ACSF3: variants seen among roughly 807,000 people sequenced by gnomAD.
ACSF3 encodes the protein malonate--CoA ligase ACSF3, mitochondrial.
Under a neutral mutation model 53.2 loss-of-function variants are expected in ACSF3, and 78 were observed. The observed-to-expected ratio is 1.47, with a 90% CI of 1.22 to 1.77. The LOEUF (loss-of-function observed/expected upper bound fraction) is 1.77. Among genes scored for constraint, ACSF3 ranks in the 40% most tolerant of loss-of-function variants. The pLI is 0.00. For missense variants in ACSF3, 937 were observed against 771.1 expected (o/e 1.22, Z -2.55); for synonymous variants, 414 against 333.1 (o/e 1.24, Z -2.65).
chr16:89,122,923 G>A (rs913193293), intron 7 of ACSF3: 4 of 152,344 alleles, frequency 2.6e-5, no homozygotes, highest in Admixed American at 2.0e-4. Flanking sequence ...AAGCAGTCTT[G>A]AAATAGAAGC....
intron 8 of ACSF3, 50 bp from the exon 9 acceptor site, chr16:89,145,217 A>T (rs763894432): frequency 1.9e-6 from 3 of 1,613,520 alleles, no homozygotes; most frequent in Non-Finnish European, 2.5e-6. Context: ...TCCTCAGGGG[A>T]CACCGTGGTG....
At chr16:89,097,123 G>A (rs1666542071) in intron 1 of ACSF3, among the ~76,000 whole-genome samples, 1 of 152,238 alleles carries the variant, frequency 6.6e-6, no homozygotes, top group South Asian at 2.1e-4. Context: ...CCAAAAGGGG[G>A]GCTGTGCTCT....
At chr16:89,114,017 T>C (rs2151452304) in intron 5 of ACSF3, 1 of 395,160 alleles carries the variant, frequency 2.5e-6, no homozygotes, top group South Asian at 2.1e-5. Context: ...TGAGCGTGGT[T>C]GTGAACAGCG....
At chr16:89,142,747 C>T (rs1330746283) in intron 8 of ACSF3, among the ~76,000 whole-genome samples, 1 of 151,768 alleles carries the variant, frequency 6.6e-6, no homozygotes, top group Non-Finnish European at 1.5e-5. Flanking sequence ...ACACCCACAC[C>T]TGCAGAGACA....
In ACSF3 at chr16:89,102,709, C is replaced by G; in HGVS notation, c.772C>G (p.Leu258Val). The G allele has an allele frequency of 6.2e-7, 1 of 1,613,552 alleles. No individual in the cohort carries two copies. The highest frequency in any genetic ancestry group is 8.5e-7 in the Non-Finnish European group (1 of 1,180,040). ...TGTGGTCAACGCGCTGCTCTGTCCT[C>G]TCTGGGTGGGAGCCACCTGTGTGAT... is the stretch of plus-strand genomic sequence containing the variant. ...HGVVNALLCP[L>V]WVGATCVMMP... The change falls in exon 4 of 11, where the codon CTC (leucine) becomes GTC (valine). Residue 258 changes from leucine (L) to valine (V), a missense_variant. Physicochemically the swap from Leu to Val is conservative, Grantham distance 32. Coordinates refer to ENST00000614302, the MANE Select transcript of ACSF3 (RefSeq NM_001243279.3).
At chr16:89,145,497 C>A in intron 9 of ACSF3, 96 bp downstream of exon 9, 2 of 1,437,250 alleles carry the variant, frequency 1.4e-6, no homozygotes, top group South Asian at 1.2e-5. Context: ...GACGCCGTCC[C>A]AGCTGCCTGC....
intron 8 of ACSF3, chr16:89,141,071 C>T (rs1268391980): frequency 1.2e-5 from 15 of 1,271,954 alleles, no homozygotes; most frequent in South Asian, 8.7e-5. Context: ...TCACAGTGAT[C>T]GCAAGTTGCC....
At chr16:89,119,894 C>T (rs759642661) in intron 6 of ACSF3, among the ~76,000 whole-genome samples, 9 of 152,198 alleles carry the variant, frequency 5.9e-5, no homozygotes, top group Admixed American at 6.5e-5. Context: ...CTTGAAGTGC[C>T]GGAAATCTCA....
At chr16:89,145,715 C>T (rs563480534) in intron 9 of ACSF3, among the ~76,000 whole-genome samples, 1 of 152,296 alleles carries the variant, frequency 6.6e-6, no homozygotes, top group East Asian at 1.9e-4. Context: ...AAGGCAGAGC[C>T]CCTGTGAGTG....
intron 5 of ACSF3, 30 bp downstream of exon 5, chr16:89,112,276 A>C (rs755343410): frequency 6.2e-7 from 1 of 1,612,656 alleles, no homozygotes; most frequent in Non-Finnish European, 8.5e-7. Flanking sequence ...TTTCTCGTTC[A>C]GAAAGTCTTA....
At chr16:89,117,732 C>T (rs1905425013) in intron 6 of ACSF3, among the ~76,000 whole-genome samples, 1 of 152,132 alleles carries the variant, frequency 6.6e-6, no homozygotes, top group Admixed American at 6.5e-5. Context: ...GCTCAGCTTC[C>T]CCACGCTGGA....
intron 8 of ACSF3, among the ~76,000 whole-genome samples, chr16:89,140,371 C>T (rs1454761925): frequency 6.6e-6 from 1 of 152,140 alleles, no homozygotes; most frequent in African/African-American, 2.4e-5. Context: ...TCTCTGTACA[C>T]ACACACGGGC....
intron 8 of ACSF3, among the ~76,000 whole-genome samples, chr16:89,135,868 G>T (rs1309757788): frequency 1.3e-5 from 2 of 152,202 alleles, no homozygotes; most frequent in Admixed American, 6.5e-5. Context: ...TCTGCCTCTC[G>T]GGTTCAAGCA....
rs373025521 is a variant in ACSF3 at position 89,116,758 on chromosome 16, C to A, written c.1126+2271C>A. 4.6e-5 allele frequency among the ~76,000 whole-genome samples: 7 copies of A among 152,246 alleles called. No individual in the cohort carries two copies. In the South Asian group the frequency reaches 1.2e-3, roughly 27 times the overall value. On this transcript the variant is annotated intron_variant, in intron 6 of 10. Coordinates refer to ENST00000614302, the MANE Select transcript of ACSF3 (RefSeq NM_001243279.3). ...AGACCCCAGGAAACCGCCGTCAGTG[C>A]TGGTGGCCCCTGCCCTGGGCCGGCT...
intron 7 of ACSF3, among the ~76,000 whole-genome samples, chr16:89,132,672 C>T (rs963961075): frequency 5.9e-5 from 9 of 152,276 alleles, no homozygotes; most frequent in Admixed American, 4.6e-4. Context: ...CCAAGCTGCC[C>T]CAGCCCCTGT....
intron 2 of ACSF3, among the ~76,000 whole-genome samples, chr16:89,099,272 C>T (rs1266635585): frequency 2.0e-5 from 3 of 152,348 alleles, no homozygotes; most frequent in African/African-American, 2.4e-5. Flanking sequence ...GCGTCAGGAG[C>T]GTTGGGCCCA....
rs527567916 is a variant in ACSF3 at position 89,122,147 on chromosome 16, C to T, written c.1239+1234C>T. ...GGGCCACCCGCAGTGGGCTGTTATC[C>T]CCCGTGGCCCTGAAGTGGGTATTCT... On this transcript the variant is annotated intron_variant, in intron 7 of 10. Coordinates refer to ENST00000614302, the MANE Select transcript of ACSF3 (RefSeq NM_001243279.3). Among the ~76,000 whole-genome samples the T allele has an allele frequency of 7.5e-5, 5 of 66,708 alleles. 1 individual carries two copies. The highest frequency in any genetic ancestry group is 2.4e-4 in the African/African-American group (5 of 21,198). 43.8% of individuals were successfully genotyped at this position (66,708 alleles called of 152,430 possible).
chr16:89,138,091 G>A (rs537257350), intron 8 of ACSF3, among the ~76,000 whole-genome samples: 9 of 152,226 alleles, frequency 5.9e-5, no homozygotes, highest in African/African-American at 1.4e-4. Flanking sequence ...AGCCCCAGCC[G>A]CCGGGGATTC....
intron 5 of ACSF3, among the ~76,000 whole-genome samples, chr16:89,112,486 G>A (rs570197158): frequency 1.3e-5 from 2 of 151,556 alleles, no homozygotes; most frequent in African/African-American, 4.8e-5. Flanking sequence ...ATTCTGTATC[G>A]CTCTCTCTGT....
Sources: allele counts gnomAD v4.1 joint callset (sites outside exome capture counted in the v4.1 genomes callset), GRCh38; gene constraint gnomAD v4.1.1; transcripts MANE v1.5; gene names NCBI Gene and HGNC (gene_info 2026-07-23, HGNC 2026-07-21).